TSHZ3: variants seen among roughly 807,000 people sequenced by gnomAD.
The protein encoded by TSHZ3 is teashirt homolog 3.
In TSHZ3, 10 loss-of-function variants were observed where a neutral mutation model predicts 64.5. The ratio of observed to expected loss-of-function variants is 0.16; its 90% CI spans 0.10 to 0.26. The LOEUF (loss-of-function observed/expected upper bound fraction) is 0.26, where lower values mean the gene tolerates loss of function less well. Among genes scored for constraint, TSHZ3 ranks in the 10% least tolerant of loss-of-function variants. TSHZ3 has a pLI of 1.00. For synonymous variants in TSHZ3, 608 were observed against 593.1 expected (o/e 1.03, Z -0.36); for missense variants, 1,242 against 1,421.7 (o/e 0.87, Z 2.03).
chr19:31,337,720 AACACACACACACACAC>A (rs372251116), intron 1 of TSHZ3, among the ~76,000 whole-genome samples: 4 of 145,978 alleles, frequency 2.7e-5, no homozygotes, highest in South Asian at 4.4e-4. Flanking sequence ...TTTCAAAATA[AACACACACACACACAC>A]ACACACACAC....
chr19:31,157,407 G>T (rs921749585), intron 5 of TSHZ3, among the ~76,000 whole-genome samples: 5 of 152,146 alleles, frequency 3.3e-5, no homozygotes, highest in Non-Finnish European at 7.3e-5. Flanking sequence ...TTCACATATT[G>T]TCTGTGGCCA....
intron 4 of TSHZ3, among the ~76,000 whole-genome samples, chr19:31,222,320 A>G (rs1033862317): frequency 2.6e-5 from 4 of 152,188 alleles, no homozygotes; most frequent in South Asian, 2.1e-4. Flanking sequence ...GGAGTCCACA[A>G]TGGGAATGGG....
chr19:31,223,757 T>C (rs1317835731), intron 4 of TSHZ3, among the ~76,000 whole-genome samples: 1 of 152,092 alleles, frequency 6.6e-6, no homozygotes, highest in Non-Finnish European at 1.5e-5. Flanking sequence ...GTGGGGGGAA[T>C]GCTGACTGCC....
At chr19:31,156,724 A>G (rs1974310212) in intron 5 of TSHZ3, among the ~76,000 whole-genome samples, 1 of 152,016 alleles carries the variant, frequency 6.6e-6, no homozygotes, top group Non-Finnish European at 1.5e-5. Context: ...TTCTTAAGAT[A>G]AAGTGCAATA....
At chr19:31,302,269 G>T (rs1976768963) in intron 1 of TSHZ3, among the ~76,000 whole-genome samples, 4 of 152,142 alleles carry the variant, frequency 2.6e-5, no homozygotes, top group African/African-American at 7.2e-5. Flanking sequence ...CTCCGCCCTT[G>T]TGATCCGTGC....
chr19:31,180,305 G>A (rs774070173), intron 5 of TSHZ3, among the ~76,000 whole-genome samples: 26 of 152,268 alleles, frequency 1.7e-4, no homozygotes, highest in South Asian at 6.2e-4. Context: ...AGCAAGGTAC[G>A]GGCTGTACAC....
intron 1 of TSHZ3, among the ~76,000 whole-genome samples, chr19:31,289,717 C>T (rs562553751): frequency 6.6e-6 from 1 of 152,204 alleles, no homozygotes; most frequent in South Asian, 2.1e-4. Context: ...CACTGGCTCT[C>T]AGATTGGCTG....
intron 3 of TSHZ3, among the ~76,000 whole-genome samples, chr19:31,239,358 A>G (rs1372394956): frequency 1.3e-5 from 2 of 152,232 alleles, no homozygotes; most frequent in East Asian, 1.9e-4. Flanking sequence ...CTCATTTCCA[A>G]TTTCTGATGC....
chr19:31,256,580 G>A (rs139155345), intron 1 of TSHZ3, among the ~76,000 whole-genome samples: 1 of 152,290 alleles, frequency 6.6e-6, no homozygotes, highest in African/African-American at 2.4e-5. Context: ...TACAGAGTAT[G>A]TTCATTCTTT....
intron 1 of TSHZ3, among the ~76,000 whole-genome samples, chr19:31,268,491 C>T (rs1976087216): frequency 6.6e-6 from 1 of 152,156 alleles, no homozygotes; most frequent in African/African-American, 2.4e-5. Flanking sequence ...GTGGATGCTC[C>T]GTGTTTCTAA....
rs934617839 is a variant in TSHZ3, at chr19:31,275,379, T to C, written c.*1168A>G. ...ATGACTTTTAAGCAAAGTATTACAG[T>C]ACAAACATTTTAAAGGCTTTATCAA... On this transcript the variant is annotated 3_prime_UTR_variant, in exon 2 of 2. Coordinates refer to ENST00000240587, the MANE Select transcript of TSHZ3 (RefSeq NM_020856.4). The C allele has an allele frequency of 6.6e-6, 1 of 152,340 alleles. No individual in the cohort carries two copies. The highest frequency in any genetic ancestry group is 6.6e-5 in the Admixed American group (1 of 15,234). 9.4% of individuals were successfully genotyped at this position (152,340 alleles called of 1,614,324 possible).
intron 1 of TSHZ3, among the ~76,000 whole-genome samples, chr19:31,332,487 G>A (rs1158429777): frequency 1.3e-5 from 2 of 152,042 alleles, no homozygotes; most frequent in Admixed American, 6.6e-5. Flanking sequence ...GATGACCGAC[G>A]ACCCCTCATC....
At chr19:31,295,410 G>A (rs761096219) in intron 1 of TSHZ3, among the ~76,000 whole-genome samples, 4 of 152,202 alleles carry the variant, frequency 2.6e-5, no homozygotes, top group African/African-American at 7.2e-5. Flanking sequence ...GGATTCAAAT[G>A]TCTACCACCA....
At chr19:31,321,489 C>T (rs1360680019) in intron 1 of TSHZ3, among the ~76,000 whole-genome samples, 2 of 152,244 alleles carry the variant, frequency 1.3e-5, no homozygotes, top group African/African-American at 4.8e-5. Context: ...GAAATCTAAA[C>T]ATGGAGCCTA....
chr19:31,233,819 A>G (rs1394998086), intron 3 of TSHZ3, among the ~76,000 whole-genome samples: 1 of 152,018 alleles, frequency 6.6e-6, no homozygotes, highest in African/African-American at 2.4e-5. Context: ...TTCTTGTAGC[A>G]CCATAGAAAT....
intron 1 of TSHZ3, among the ~76,000 whole-genome samples, chr19:31,293,995 C>A (rs1465972688): frequency 6.6e-6 from 1 of 152,172 alleles, no homozygotes; most frequent in African/African-American, 2.4e-5. Flanking sequence ...TCTCTTCATT[C>A]CTCATTCCCA....
downstream of TSHZ3, among the ~76,000 whole-genome samples, chr19:31,271,365 G>GATT (rs551665988): frequency 5.7e-4 from 87 of 152,122 alleles, no homozygotes; most frequent in Non-Finnish European, 1.1e-3. Flanking sequence ...GAAACTCAAT[G>GATT]GAGTGTGAGA....
At chr19:31,227,877 ATCT>A (rs1169889616) in intron 4 of TSHZ3, among the ~76,000 whole-genome samples, 1 of 152,128 alleles carries the variant, frequency 6.6e-6, no homozygotes, top group Non-Finnish European at 1.5e-5. Context: ...CATCTTGGAC[ATCT>A]TCCCTTCTCT....
intron 4 of TSHZ3, among the ~76,000 whole-genome samples, chr19:31,211,934 A>C (rs1362310970): frequency 1.3e-5 from 2 of 152,154 alleles, no homozygotes; most frequent in Admixed American, 1.3e-4. Context: ...AGGTTATATA[A>C]AGATATCCAG....
Sources: allele counts gnomAD v4.1 joint callset (sites outside exome capture counted in the v4.1 genomes callset), GRCh38; gene constraint gnomAD v4.1.1; transcripts MANE v1.5; gene names NCBI Gene and HGNC (gene_info 2026-07-23, HGNC 2026-07-21).